The following RIMS1 variants were observed in gnomAD, a reference collection of about 807,000 sequenced individuals.
The protein encoded by RIMS1 is regulating synaptic membrane exocytosis 1.
In RIMS1, 83 loss-of-function variants were observed where a neutral mutation model predicts 214.1. The ratio of observed to expected loss-of-function variants is 0.39; its 90% CI spans 0.32 to 0.47. The LOEUF is 0.47. Ranked by LOEUF, RIMS1 falls within the 20% of genes least tolerant of loss-of-function variation. The probability of loss-of-function intolerance (pLI) is 0.99; values close to 1 mark genes in which losing one functional copy is unlikely to be tolerated. For synonymous variants in RIMS1, 793 were observed against 786.8 expected, an observed-to-expected ratio of 1.01 and a Z score of -0.13; for missense variants, 2,050 against 2,161.8, an observed-to-expected ratio of 0.95 and a Z score of 1.03.
intron 1 of RIMS1, among the ~76,000 whole-genome samples, chr6:71,894,375 G>T (rs1415414990): frequency 6.6e-6 from 1 of 152,116 alleles, no homozygotes; most frequent in Non-Finnish European, 1.5e-5. Context: ...GAAACCAGGA[G>T]GCAGAGGCTG....
At chr6:72,023,485 T>C (rs1415473689) in intron 2 of RIMS1, among the ~76,000 whole-genome samples, 1 of 152,110 alleles carries the variant, frequency 6.6e-6, no homozygotes, top group Non-Finnish European at 1.5e-5. Context: ...GATTTACATA[T>C]ATTTCCTGTA....
chr6:72,101,436 T>C (rs1252450579), intron 4 of RIMS1, among the ~76,000 whole-genome samples: 1 of 152,016 alleles, frequency 6.6e-6, no homozygotes, highest in African/African-American at 2.4e-5. Context: ...ATGGCCTTTC[T>C]AGCCAAGGGA....
At chr6:71,958,693 G>C (rs1324560712) in intron 1 of RIMS1, among the ~76,000 whole-genome samples, 1 of 152,074 alleles carries the variant, frequency 6.6e-6, no homozygotes, top group Non-Finnish European at 1.5e-5. Context: ...GGTAATGGGA[G>C]GTGAAGTCTG....
At chr6:72,072,566 C>T (rs529826581) in intron 2 of RIMS1, among the ~76,000 whole-genome samples, 3 of 151,958 alleles carry the variant, frequency 2.0e-5, no homozygotes, top group African/African-American at 7.3e-5. Context: ...ATATGTATGG[C>T]GGGGAAGAAA....
intron 2 of RIMS1, among the ~76,000 whole-genome samples, chr6:72,026,787 T>TTTTAACTTATAAAA: frequency 6.6e-6 from 1 of 152,190 alleles, no homozygotes; most frequent in Non-Finnish European, 1.5e-5. Context: ...GTATACTGCC[T>TTTTAACTTATAAAA]TGTATCACCA....
At chr6:72,140,491 C>A (rs1476953211) in intron 4 of RIMS1, among the ~76,000 whole-genome samples, 1 of 151,992 alleles carries the variant, frequency 6.6e-6, no homozygotes, top group Admixed American at 6.6e-5. Context: ...GAGAAAATGT[C>A]CCTGTCATAC....
intron 29 of RIMS1, among the ~76,000 whole-genome samples, chr6:72,336,954 T>G (rs1344249596): frequency 6.6e-6 from 1 of 151,798 alleles, no homozygotes; most frequent in Non-Finnish European, 1.5e-5. Context: ...GACCATGAGA[T>G]CTGTATTTCT....
intron 29 of RIMS1, among the ~76,000 whole-genome samples, chr6:72,334,090 A>G (rs2096761196): frequency 6.6e-6 from 1 of 151,904 alleles, no homozygotes; most frequent in African/African-American, 2.4e-5. Flanking sequence ...ATATTTGCAA[A>G]TATGCAAGGA....
chr6:72,329,547 C>A (rs1378886575), intron 28 of RIMS1, among the ~76,000 whole-genome samples: 1 of 147,932 alleles, frequency 6.8e-6, no homozygotes, highest in Non-Finnish European at 1.5e-5. Flanking sequence ...TTTTTTTTTT[C>A]AAATTAACAT....
chr6:72,359,463 T>C (rs1472633877), intron 29 of RIMS1, among the ~76,000 whole-genome samples: 1 of 151,992 alleles, frequency 6.6e-6, no homozygotes, highest in South Asian at 2.1e-4. Context: ...GCTGTTTCCC[T>C]AAAAGCAATT....
chr6:71,922,723 G>A (rs375178226), intron 1 of RIMS1, among the ~76,000 whole-genome samples: 19 of 152,170 alleles, frequency 1.2e-4, no homozygotes, highest in Non-Finnish European at 2.2e-4. Context: ...AGGAAAGCTC[G>A]TATAGTTTAT....
intron 5 of RIMS1, among the ~76,000 whole-genome samples, chr6:72,181,468 G>C (rs887687552): frequency 2.0e-5 from 3 of 152,214 alleles, no homozygotes; most frequent in Non-Finnish European, 2.9e-5. Flanking sequence ...AAATAAGATA[G>C]AGAATTTGGA....
At chr6:72,180,509 G>A (rs1380992721) in intron 5 of RIMS1, among the ~76,000 whole-genome samples, 3 of 152,226 alleles carry the variant, frequency 2.0e-5, no homozygotes, top group Admixed American at 1.3e-4. Context: ...TGGTGAGGTG[G>A]TGAAGGGACA....
chr6:72,299,060 T>C (rs900011709), intron 26 of RIMS1, among the ~76,000 whole-genome samples: 5 of 152,042 alleles, frequency 3.3e-5, no homozygotes, highest in Admixed American at 1.3e-4. Flanking sequence ...GTAAGCCAAT[T>C]TTTCCCTCTC....
In RIMS1 at chr6:72,153,032, ATG is replaced by A. The variant is rs571291967; in HGVS notation, c.472-26531_472-26530del. On this transcript the variant is annotated intron_variant, in intron 4 of 33. Coordinates refer to ENST00000521978, the MANE Select transcript of RIMS1 (RefSeq NM_014989.7). ...TGTATATATATGTGTGTGTGTATAT[ATG>A]TGTGTGTGTGTATATATATGTATAT... Among the ~76,000 whole-genome samples, 323 of 136,598 alleles carry A rather than the reference ATG, an allele frequency of 2.4e-3. 17 individuals carry two copies. The highest frequency in any genetic ancestry group is 0.022 in the Middle Eastern group (5 of 226). The allele number at this position is 136,598 out of a possible 152,430, so 89.6% of individuals were successfully genotyped here. A position where few individuals can be genotyped will look rare whatever the true frequency, so the allele number is the denominator to read the frequency against.
intron 10 of RIMS1, among the ~76,000 whole-genome samples, chr6:72,242,695 A>T (rs1391160313): frequency 1.3e-5 from 2 of 151,876 alleles, no homozygotes; most frequent in African/African-American, 4.8e-5. Flanking sequence ...TTGCAAGTGA[A>T]ATATAAAGTA....
Position 72,055,469 on chromosome 6 carries a change from T to G in RIMS1, c.246-41480T>G, listed in dbSNP as rs184115858. On this transcript the variant is annotated intron_variant, in intron 2 of 33. Coordinates refer to ENST00000521978, the MANE Select transcript of RIMS1 (RefSeq NM_014989.7). ...ATACTGTAAACAGATATAGTTTGAC[T>G]TCTTCTCTTCCTATTTAGATGCTTT... 3.3e-3 allele frequency among the ~76,000 whole-genome samples: 499 copies of G among 152,338 alleles called. 2 individuals carry two copies. The highest frequency in any genetic ancestry group is 5.4e-3 in the Non-Finnish European group (365 of 68,024).
chr6:71,946,943 A>G (rs1201657141), intron 1 of RIMS1, among the ~76,000 whole-genome samples: 1 of 152,258 alleles, frequency 6.6e-6, no homozygotes, highest in South Asian at 2.1e-4. Context: ...ACTCAGTAGC[A>G]AAAAGATAAA....
intron 24 of RIMS1, among the ~76,000 whole-genome samples, chr6:72,286,245 ATATT>A (rs2092277173): frequency 6.6e-6 from 1 of 152,136 alleles, no homozygotes; most frequent in Non-Finnish European, 1.5e-5. Context: ...GTGTAGTTAT[ATATT>A]AAGGATACAT....
Sources: gnomAD v4.1 joint callset for allele counts (sites outside exome capture counted in the v4.1 genomes callset) on GRCh38, gnomAD v4.1.1 for gene constraint, MANE v1.5 for transcripts, NCBI Gene and HGNC (gene_info 2026-07-23, HGNC 2026-07-21) for gene names.